Variants in IL1RAPL1 observed in about 807,000 individuals in gnomAD.
IL1RAPL1 encodes the protein interleukin 1 receptor accessory protein like 1.
A neutral mutation model predicts 48.4 loss-of-function variants in IL1RAPL1; 3 were observed. That is an observed-to-expected ratio of 0.06 (90% CI 0.03 to 0.16). The LOEUF (loss-of-function observed/expected upper bound fraction) is 0.16. Ranked by LOEUF, IL1RAPL1 falls within the 10% of genes least tolerant of loss-of-function variation. The pLI is 1.00. For missense variants in IL1RAPL1, 349 were observed against 530.6 expected (o/e 0.66, Z 3.36); for synonymous variants, 185 against 187.7 (o/e 0.99, Z 0.12).
chrX:29,437,604 A>G (rs760201867), intron 5 of IL1RAPL1, among the ~76,000 whole-genome samples: 9 of 110,478 alleles, frequency 8.1e-5, no homozygotes, highest in South Asian at 3.8e-4. Context: ...TAATCCCTTT[A>G]TATTTATTCT....
chrX:28,789,030 T>C (rs1936504994), intron 1 of IL1RAPL1, among the ~76,000 whole-genome samples: 1 of 111,603 alleles, frequency 9.0e-6, no homozygotes, highest in African/African-American at 3.3e-5. Flanking sequence ...TTCCATTTAT[T>C]TAAATACAAC....
chrX:28,953,289 A>G (rs895711549), intron 2 of IL1RAPL1, among the ~76,000 whole-genome samples: 2 of 111,529 alleles, frequency 1.8e-5, no homozygotes, highest in South Asian at 3.7e-4. Context: ...CAGATACCCA[A>G]TCATATTTTA....
rs1231277367 is a variant in IL1RAPL1 at position 29,342,148 on chromosome X, GTGTGTGTT to G, written c.363-54106_363-54099del. ...TGTGTGTGTGTGTGTGTGTGTGTGT[GTGTGTGTT>G]TGTTTTGTTTTGTTTGTTTGTTTTT... On this transcript the variant is annotated intron_variant, in intron 3 of 10. Transcript: ENST00000378993. 8.7e-3 allele frequency among the ~76,000 whole-genome samples: 826 copies of G among 95,262 alleles called. 20 individuals carry two copies. The highest frequency in any genetic ancestry group is 0.047 in the Admixed American group (436 of 9,304). 82.7% of individuals were successfully genotyped at this position (95,262 alleles called of 115,157 possible). A position where few individuals can be genotyped will look rare whatever the true frequency, so the allele number is the denominator to read the frequency against.
chrX:29,184,371 T>C (rs1452023762), intron 2 of IL1RAPL1, among the ~76,000 whole-genome samples: 1 of 112,376 alleles, frequency 8.9e-6, no homozygotes, highest in Non-Finnish European at 1.9e-5. Flanking sequence ...ATGAAAATTA[T>C]ACATTGATTT....
chrX:29,105,328 C>A (rs1286526029), intron 2 of IL1RAPL1, among the ~76,000 whole-genome samples: 1 of 111,566 alleles, frequency 9.0e-6, no homozygotes, highest in African/African-American at 3.3e-5. Flanking sequence ...ATATGATGAT[C>A]CCTCTTACCC....
intron 6 of IL1RAPL1, among the ~76,000 whole-genome samples, chrX:29,808,766 A>G (rs1328517948): frequency 2.7e-5 from 3 of 111,401 alleles, no homozygotes; most frequent in African/African-American, 9.8e-5. Flanking sequence ...TATCTTCAGT[A>G]CACCTTTCTG....
chrX:29,906,366 A>G (rs1932620413), intron 6 of IL1RAPL1, among the ~76,000 whole-genome samples: 1 of 98,259 alleles, frequency 1.0e-5, no homozygotes, highest in Admixed American at 1.2e-4. Flanking sequence ...AAAAAAAAAC[A>G]TAAAAAAGCA....
chrX:28,728,229 A>T (rs1935706199), intron 1 of IL1RAPL1, among the ~76,000 whole-genome samples: 1 of 111,945 alleles, frequency 8.9e-6, no homozygotes, highest in Non-Finnish European at 1.9e-5. Flanking sequence ...AATGTCCACA[A>T]ATCAAATTTT....
At chrX:29,027,044 A>G (rs1031615749) in intron 2 of IL1RAPL1, among the ~76,000 whole-genome samples, 31 of 111,939 alleles carry the variant, frequency 2.8e-4, no homozygotes, top group Non-Finnish European at 3.2e-4. Flanking sequence ...ATACATCATT[A>G]TCATTCAGAG....
At chrX:28,779,608 T>A (rs1936395331) in intron 1 of IL1RAPL1, among the ~76,000 whole-genome samples, 1 of 81,090 alleles carries the variant, frequency 1.2e-5, no homozygotes, top group Admixed American at 1.6e-4. Context: ...AGGTACAGAG[T>A]GATACTATTA....
intron 5 of IL1RAPL1, among the ~76,000 whole-genome samples, chrX:29,424,494 A>G (rs1934327322): frequency 9.0e-6 from 1 of 111,422 alleles, no homozygotes; most frequent in Non-Finnish European, 1.9e-5. Context: ...TAGAGGAAGG[A>G]CAGAATGTTA....
intron 5 of IL1RAPL1, among the ~76,000 whole-genome samples, chrX:29,589,918 A>G (rs1349949162): frequency 3.6e-5 from 4 of 111,131 alleles, no homozygotes; most frequent in East Asian, 2.9e-4. Flanking sequence ...GAAGTTCACA[A>G]TCGGCGCAGA....
At chrX:29,443,768 T>TA (rs1356952030) in intron 5 of IL1RAPL1, among the ~76,000 whole-genome samples, 2 of 111,936 alleles carry the variant, frequency 1.8e-5, no homozygotes, top group Non-Finnish European at 3.8e-5. Flanking sequence ...GAGGTCAACT[T>TA]ATGTGTCTGC....
chrX:29,168,750 T>C (rs777990084), intron 2 of IL1RAPL1, among the ~76,000 whole-genome samples: 61 of 94,662 alleles, frequency 6.4e-4, no homozygotes, highest in African/African-American at 2.3e-3. Context: ...TGTACAATTG[T>C]ATATATATAT....
intron 5 of IL1RAPL1, among the ~76,000 whole-genome samples, chrX:29,629,944 G>A (rs969243642): frequency 8.9e-6 from 1 of 112,094 alleles, no homozygotes; most frequent in African/African-American, 3.2e-5. Context: ...AATGTATCAG[G>A]AGGATTTTCC....
At chrX:29,093,444 C>T (rs779150422) in intron 2 of IL1RAPL1, among the ~76,000 whole-genome samples, 2 of 111,421 alleles carry the variant, frequency 1.8e-5, no homozygotes, top group South Asian at 7.6e-4. Flanking sequence ...GATCCAGTCA[C>T]CTCCCACCAG....
Position 29,669,460 on chromosome X carries a change from T to C in IL1RAPL1, c.778+956T>C, listed in dbSNP as rs184760667. ...CTTAAGTTATTAATGTTATTCTTAT[T>C]CCTGGAGTGAGAATTTGCATCAAAA... is the stretch of plus-strand genomic sequence containing the variant. On this transcript the variant is annotated intron_variant, in intron 6 of 10. Transcript: ENST00000378993. 5.7e-3 allele frequency among the ~76,000 whole-genome samples: 634 copies of C among 111,655 alleles called. 4 individuals are homozygous for C. The highest frequency in any genetic ancestry group is 9.5e-3 in the Middle Eastern group (2 of 210).
chrX:28,768,745 C>CTATA (rs1936274335), intron 1 of IL1RAPL1, among the ~76,000 whole-genome samples: 1 of 70,056 alleles, frequency 1.4e-5, no homozygotes, highest in African/African-American at 5.8e-5. Context: ...CTCTCTCTCT[C>CTATA]TCTCTCTCTC....
At chrX:29,769,247 TTTTA>T (rs1267202052) in intron 6 of IL1RAPL1, among the ~76,000 whole-genome samples, 1 of 110,401 alleles carries the variant, frequency 9.1e-6, no homozygotes, top group Non-Finnish European at 1.9e-5. Context: ...ATATTCCACA[TTTTA>T]TTTATCCATT....
Sources: allele counts gnomAD v4.1 joint callset (sites outside exome capture counted in the v4.1 genomes callset), GRCh38; gene constraint gnomAD v4.1.1; transcripts MANE v1.5; gene names NCBI Gene and HGNC (gene_info 2026-07-23, HGNC 2026-07-21).